Variants in METTL8 observed in about 807,000 individuals in gnomAD.
METTL8 encodes methyltransferase 8, tRNA N3-cytidine, also known as tRNA N(3)-cytidine methyltransferase METTL8, mitochondrial.
Under a neutral mutation model 48.7 loss-of-function variants are expected in METTL8, and 32 were observed. The ratio of observed to expected loss-of-function variants is 0.66; its 90% CI spans 0.50 to 0.88. The LOEUF is 0.88. METTL8 is among the 40% of genes least tolerant of loss of function. The probability of loss-of-function intolerance (pLI) is 0.00; values close to 1 mark genes in which losing one functional copy is unlikely to be tolerated. For synonymous variants in METTL8, 136 were observed against 157.1 expected, an observed-to-expected ratio of 0.87 and a Z score of 1.01; for missense variants, 464 against 474.4, an observed-to-expected ratio of 0.98 and a Z score of 0.20.
chr2:171,340,093 G>T (rs950412574), intron 3 of METTL8, among the ~76,000 whole-genome samples: 1 of 151,864 alleles, frequency 6.6e-6, no homozygotes, highest in Admixed American at 6.6e-5. Context: ...AGCTACTCAG[G>T]AGGCTGAGGC....
At chr2:171,368,678 G>A (rs1685970101) in intron 2 of METTL8, among the ~76,000 whole-genome samples, 1 of 151,886 alleles carries the variant, frequency 6.6e-6, no homozygotes, top group African/African-American at 2.4e-5. Flanking sequence ...CATGCATGAT[G>A]TTATAAATCA....
At chr2:171,417,656 T>C (rs999104847) in intron 1 of METTL8, among the ~76,000 whole-genome samples, 4 of 152,220 alleles carry the variant, frequency 2.6e-5, no homozygotes, top group African/African-American at 9.7e-5. Context: ...AATTACTAAG[T>C]TGTGCTATCC....
chr2:171,398,470 AG>A (rs1162250627), intron 1 of METTL8, among the ~76,000 whole-genome samples: 1 of 152,104 alleles, frequency 6.6e-6, no homozygotes, highest in Non-Finnish European at 1.5e-5. Flanking sequence ...CGATAGAGAC[AG>A]GAAGTGGAGT....
At chr2:171,356,952 ATT>A (rs763021449) in intron 3 of METTL8, among the ~76,000 whole-genome samples, 3 of 78,468 alleles carry the variant, frequency 3.8e-5, no homozygotes, top group Non-Finnish European at 7.2e-5. Flanking sequence ...CAAAGACAAT[ATT>A]TTTTTTTTTT....
At chr2:171,428,517 G>GT (rs1692649347) in intron 1 of METTL8, among the ~76,000 whole-genome samples, 1 of 151,774 alleles carries the variant, frequency 6.6e-6, no homozygotes, top group African/African-American at 2.4e-5. Flanking sequence ...GTACTTAGCT[G>GT]TTGATAATAG....
At chr2:171,369,625 G>C (rs1309511307) in intron 2 of METTL8, among the ~76,000 whole-genome samples, 1 of 152,174 alleles carries the variant, frequency 6.6e-6, no homozygotes, top group Admixed American at 6.5e-5. Context: ...ATATCCATAA[G>C]AAGTCTTTGC....
Position 171,319,364 on chromosome 2 carries a change from C to T in METTL8, c.*4808G>A, listed in dbSNP as rs1684414174. 1 of 152,224 alleles carries T rather than the reference C, an allele frequency of 6.6e-6. No homozygotes were observed. Among genetic ancestry groups the T allele is most frequent in the Non-Finnish European group, 1.5e-5 (1 of 68,052 alleles). 9.4% of individuals were successfully genotyped at this position (152,224 alleles called of 1,614,324 possible). A position where few individuals can be genotyped will look rare whatever the true frequency, so the allele number is the denominator to read the frequency against. On this transcript the variant is annotated 3_prime_UTR_variant, in exon 10 of 10. Coordinates refer to ENST00000375258, the MANE Select transcript of METTL8 (RefSeq NM_001321154.2). ...ATTAGTGATGCAAATGTGAAGTTAT[C>T]TGCACTTGTGAGGAGCATAACAAAC...
intron 5 of METTL8, 29 bp from the exon 6 acceptor site, chr2:171,331,896 T>A (rs920241096): frequency 6.6e-7 from 1 of 1,520,154 alleles, no homozygotes; most frequent in African/African-American, 1.4e-5. Flanking sequence ...TATTTATTTA[T>A]TTTTTTGGAG....
At chr2:171,401,383 G>A (rs184804194) in intron 1 of METTL8, among the ~76,000 whole-genome samples, 2 of 152,220 alleles carry the variant, frequency 1.3e-5, no homozygotes, top group East Asian at 3.9e-4. Context: ...TTCTTTGGAT[G>A]ATTATAATTT....
At position 171,366,419 on chromosome 2, in the gene METTL8, G is replaced by A. The variant is rs533984544; in HGVS notation, c.144-5906C>T. Reference sequence around the variant, plus strand: ...TTTAACCACTTGCCAGAAAAAACTCGACATCTTTAAAGGAAGGCAACATAA... The same window carrying A: ...TTTAACCACTTGCCAGAAAAAACTCAACATCTTTAAAGGAAGGCAACATAA... On this transcript the variant is annotated intron_variant, in intron 2 of 9. Transcript: ENST00000375258. Among the ~76,000 whole-genome samples, 4 of 152,212 alleles carry A rather than the reference G, an allele frequency of 2.6e-5. No homozygotes were observed. The East Asian group carries it at 5.8e-4, about 22-fold the overall frequency.
At chr2:171,422,767 C>T (rs1229516817) in intron 1 of METTL8, among the ~76,000 whole-genome samples, 1 of 152,112 alleles carries the variant, frequency 6.6e-6, no homozygotes, top group Non-Finnish European at 1.5e-5. Context: ...ATATGATAGT[C>T]TTATATTCAC....
intron 1 of METTL8, among the ~76,000 whole-genome samples, chr2:171,411,687 T>C (rs1247144880): frequency 6.6e-6 from 1 of 152,190 alleles, no homozygotes; most frequent in Non-Finnish European, 1.5e-5. Context: ...AGTTAAACTT[T>C]TAAATGTGAA....
rs1288155791 is a variant in METTL8, at chr2:171,322,051, C to G, written c.*2121G>C. On this transcript the variant is annotated 3_prime_UTR_variant, in exon 10 of 10. Coordinates refer to ENST00000375258, the MANE Select transcript of METTL8 (RefSeq NM_001321154.2). ...CATCTCGGCTCACTGCAACCTCTGCCTCCCGGGTTCAAGTGATTCTCCTGC... is the reference window on the plus strand; with the variant it reads ...CATCTCGGCTCACTGCAACCTCTGCGTCCCGGGTTCAAGTGATTCTCCTGC... 5 of 151,736 alleles carry G rather than the reference C, an allele frequency of 3.3e-5. No individual in the cohort carries two copies. In the East Asian group the frequency reaches 9.7e-4, roughly 29 times the overall value. The allele number at this position is 151,736 out of a possible 1,614,324, so 9.4% of individuals were successfully genotyped here. A position where few individuals can be genotyped will look rare whatever the true frequency, so the allele number is the denominator to read the frequency against.
chr2:171,332,397 C>T (rs1172592854), intron 5 of METTL8: 1 of 153,610 alleles, frequency 6.5e-6, no homozygotes. Flanking sequence ...TCTCCCGCCT[C>T]AATCTCCCGA....
At chr2:171,403,377 C>A (rs1011532357) in intron 1 of METTL8, among the ~76,000 whole-genome samples, 1 of 152,040 alleles carries the variant, frequency 6.6e-6, no homozygotes. Context: ...ATCAGATAAA[C>A]CCCAGTTGAC....
At chr2:171,375,280 T>C in intron 2 of METTL8, 2 of 882,842 alleles carry the variant, frequency 2.3e-6, no homozygotes, top group Non-Finnish European at 3.8e-6. Context: ...CTTTGTCATC[T>C]TGGAGGCACG....
intron 1 of METTL8, among the ~76,000 whole-genome samples, chr2:171,406,799 C>G (rs1305662002): frequency 6.6e-6 from 1 of 151,366 alleles, no homozygotes; most frequent in Admixed American, 6.6e-5. Context: ...AACTATGAGG[C>G]AAGAAAACTA....
intron 3 of METTL8, among the ~76,000 whole-genome samples, chr2:171,341,320 T>C (rs1686737755): frequency 1.4e-5 from 2 of 142,162 alleles, no homozygotes; most frequent in South Asian, 4.5e-4. Flanking sequence ...AGAGCAAGAC[T>C]CCGTCTCAAA....
At chr2:171,404,721 C>T (rs1293870002) in intron 1 of METTL8, among the ~76,000 whole-genome samples, 4 of 152,004 alleles carry the variant, frequency 2.6e-5, no homozygotes, top group Non-Finnish European at 4.4e-5. Context: ...CTTATACTAC[C>T]GATGACTGAT....
Sources: allele counts gnomAD v4.1 joint callset (sites outside exome capture counted in the v4.1 genomes callset), GRCh38; gene constraint gnomAD v4.1.1; transcripts MANE v1.5; gene names NCBI Gene and HGNC (gene_info 2026-07-23, HGNC 2026-07-21).